Variants in ZNF521 observed in about 807,000 individuals in gnomAD.
ZNF521 encodes zinc finger protein 521, also known as LYST-interacting protein 3.
A neutral mutation model predicts 105.5 loss-of-function variants in ZNF521; 14 were observed. That is an observed-to-expected ratio of 0.13 (90% CI 0.09 to 0.21). The LOEUF is 0.21. ZNF521 is among the 10% of genes least tolerant of loss of function. The pLI, the probability that ZNF521 is intolerant of heterozygous loss-of-function variation, is 1.00. For synonymous variants in ZNF521, 635 were observed against 606.0 expected, an observed-to-expected ratio of 1.05 and a Z score of -0.70; for missense variants, 1,233 against 1,629.7, an observed-to-expected ratio of 0.76 and a Z score of 4.19.
At chr18:25,161,001 C>T (rs1040149348) in intron 5 of ZNF521, among the ~76,000 whole-genome samples, 1 of 152,060 alleles carries the variant, frequency 6.6e-6, no homozygotes, top group Admixed American at 6.6e-5. Context: ...CTGTGGCAAG[C>T]TAATAAGGTG....
In ZNF521 at chr18:25,264,757, A is replaced by AT. The variant is rs545345729; in HGVS notation, c.221-37061dup. Among the ~76,000 whole-genome samples the AT allele has an allele frequency of 2.6e-3, 393 of 152,278 alleles. 3 individuals are homozygous for AT. Among genetic ancestry groups the AT allele is most frequent in the African/African-American group, 8.7e-3 (360 of 41,576 alleles). Reference sequence around the variant, plus strand: ...AAACAAAAGCCCGAAAGTTCTATTTATTTGTTAGCTAAATCAAGGAACTCT... The same window carrying AT: ...AAACAAAAGCCCGAAAGTTCTATTTATTTTGTTAGCTAAATCAAGGAACTCT... On this transcript the variant is annotated intron_variant, in intron 3 of 7. Transcript: ENST00000361524.
At chr18:25,083,931 ATTTTTTTTTTTTTT>A (rs56364504) in intron 7 of ZNF521, among the ~76,000 whole-genome samples, 7,577 of 58,452 alleles carry the variant, frequency 0.13, 432 homozygotes, top group Admixed American at 0.28. Context: ...AACCTGGGTA[ATTTTTTTTTTTTTT>A]TTTTTTTTTT....
intron 5 of ZNF521, among the ~76,000 whole-genome samples, chr18:25,150,840 C>T (rs190260075): frequency 6.6e-6 from 1 of 151,926 alleles, no homozygotes; most frequent in South Asian, 2.1e-4. Context: ...TGGTCTCTCA[C>T]CCCTTCAATT....
chr18:25,158,919 G>A (rs1600102865), intron 5 of ZNF521, among the ~76,000 whole-genome samples: 1 of 151,390 alleles, frequency 6.6e-6, no homozygotes, highest in African/African-American at 2.4e-5. Flanking sequence ...TTACACCACT[G>A]CATTCCAGCC....
intron 2 of ZNF521, among the ~76,000 whole-genome samples, chr18:25,340,201 A>G (rs1914118164): frequency 6.6e-6 from 1 of 152,026 alleles, no homozygotes; most frequent in Admixed American, 6.5e-5. Flanking sequence ...CTAAAAATAC[A>G]AAAATTAGCC....
intron 1 of ZNF521, 65 bp downstream of exon 1, chr18:25,351,940 A>G: frequency 6.5e-6 from 2 of 307,270 alleles, no homozygotes; most frequent in Middle Eastern, 7.8e-4. Flanking sequence ...GAGGAGGAGG[A>G]GGAGGAGAGC....
chr18:25,185,466 C>A (rs1214776366), intron 5 of ZNF521, among the ~76,000 whole-genome samples: 1 of 152,012 alleles, frequency 6.6e-6, no homozygotes, highest in Non-Finnish European at 1.5e-5. Flanking sequence ...GTAAGTTCGG[C>A]AGCAAGAGAG....
At chr18:25,240,599 C>T (rs1907248679) in intron 3 of ZNF521, among the ~76,000 whole-genome samples, 1 of 152,180 alleles carries the variant, frequency 6.6e-6, no homozygotes, top group Non-Finnish European at 1.5e-5. Context: ...ACACAATCTG[C>T]TAGAGAGCCT....
intron 3 of ZNF521, among the ~76,000 whole-genome samples, chr18:25,244,316 T>C (rs1907558030): frequency 6.7e-6 from 1 of 150,316 alleles, no homozygotes; most frequent in South Asian, 2.1e-4. Context: ...ACACACACTC[T>C]CACCCTTTAT....
intron 5 of ZNF521, among the ~76,000 whole-genome samples, chr18:25,123,398 C>A (rs147914707): frequency 1.3e-5 from 2 of 152,206 alleles, no homozygotes; most frequent in African/African-American, 4.8e-5. Flanking sequence ...AAGTGACAAA[C>A]CTCCTCAGTC....
At chr18:25,278,218 T>C (rs1910153770) in intron 3 of ZNF521, among the ~76,000 whole-genome samples, 1 of 152,212 alleles carries the variant, frequency 6.6e-6, no homozygotes, top group Admixed American at 6.6e-5. Context: ...AACTTGTATT[T>C]TGAATAGCAC....
At chr18:25,307,838 T>C (rs1912065514) in intron 3 of ZNF521, among the ~76,000 whole-genome samples, 1 of 152,066 alleles carries the variant, frequency 6.6e-6, no homozygotes, top group Non-Finnish European at 1.5e-5. Flanking sequence ...AGAGCTACCT[T>C]ACAGAAAGGC....
chr18:25,083,011 G>C (rs1220830074), intron 7 of ZNF521, among the ~76,000 whole-genome samples: 3 of 152,004 alleles, frequency 2.0e-5, no homozygotes, highest in Admixed American at 6.6e-5. Context: ...TTTCAGCCTC[G>C]CTTGGAGGAA....
At chr18:25,313,685 C>T (rs1356983348) in intron 3 of ZNF521, among the ~76,000 whole-genome samples, 1 of 152,106 alleles carries the variant, frequency 6.6e-6, no homozygotes, top group African/African-American at 2.4e-5. Context: ...TTTTTAAACC[C>T]TGTTTATTTC....
intron 5 of ZNF521, among the ~76,000 whole-genome samples, chr18:25,188,270 G>A (rs1449225285): frequency 6.6e-6 from 1 of 152,092 alleles, no homozygotes; most frequent in Non-Finnish European, 1.5e-5. Context: ...TTCTAAAGGT[G>A]ACCTACGAAA....
chr18:25,156,410 GTTCT>G (rs934675588), intron 5 of ZNF521, among the ~76,000 whole-genome samples: 2 of 152,102 alleles, frequency 1.3e-5, no homozygotes, highest in Non-Finnish European at 2.9e-5. Flanking sequence ...ATACATCAGT[GTTCT>G]TTATTTCAGA....
intron 7 of ZNF521, among the ~76,000 whole-genome samples, chr18:25,085,969 T>C (rs1209100740): frequency 5.3e-5 from 8 of 152,098 alleles, no homozygotes. Flanking sequence ...AAAAGCCAAA[T>C]AAATTGTATA....
intron 3 of ZNF521, among the ~76,000 whole-genome samples, chr18:25,314,097 TATA>T (rs1912473884): frequency 6.6e-6 from 1 of 152,132 alleles, no homozygotes; most frequent in Admixed American, 6.5e-5. Flanking sequence ...AAATAAAACT[TATA>T]ATGCCTTAAG....
intron 5 of ZNF521, among the ~76,000 whole-genome samples, chr18:25,176,131 G>T (rs1382628124): frequency 6.6e-6 from 1 of 152,178 alleles, no homozygotes; most frequent in Non-Finnish European, 1.5e-5. Context: ...TTCAATAGCC[G>T]TGTGAGTCTT....
Sources: allele counts gnomAD v4.1 joint callset (sites outside exome capture counted in the v4.1 genomes callset), GRCh38; gene constraint gnomAD v4.1.1; transcripts MANE v1.5; gene names NCBI Gene and HGNC (gene_info 2026-07-23, HGNC 2026-07-21).